ASAP2: variants seen among roughly 807,000 people sequenced by gnomAD.
ASAP2 encodes the protein ArfGAP with SH3 domain, ankyrin repeat and PH domain 2, also known as arf-GAP with SH3 domain, ANK repeat and PH domain-containing protein 2.
In ASAP2, 45 loss-of-function variants were observed where a neutral mutation model predicts 131.4. That is an observed-to-expected ratio of 0.34 (90% CI 0.27 to 0.44). ASAP2 has a LOEUF of 0.44. Ranked by LOEUF, ASAP2 falls within the 20% of genes least tolerant of loss-of-function variation. ASAP2 has a pLI of 1.00. For synonymous variants in ASAP2, 510 were observed against 503.0 expected, an observed-to-expected ratio of 1.01 and a Z score of -0.19; for missense variants, 1,011 against 1,297.0, an observed-to-expected ratio of 0.78 and a Z score of 3.39.
At chr2:9,342,358 C>G (rs1572500629) in intron 9 of ASAP2, among the ~76,000 whole-genome samples, 1 of 152,270 alleles carries the variant, frequency 6.6e-6, no homozygotes, top group African/African-American at 2.4e-5. Flanking sequence ...GAAATAAATC[C>G]TTACATTTAG....
At chr2:9,351,413 C>T (rs1289393742) in intron 12 of ASAP2, among the ~76,000 whole-genome samples, 1 of 152,154 alleles carries the variant, frequency 6.6e-6, no homozygotes, top group South Asian at 2.1e-4. Flanking sequence ...ACAAAAGAAT[C>T]CCCACAGAAC....
rs117347802 is a variant in ASAP2 at position 9,317,719 on chromosome 2, C to T, written c.346-805C>T. Among the ~76,000 whole-genome samples the T allele has an allele frequency of 2.6e-3, 392 of 151,580 alleles. 14 individuals carry two copies. In the East Asian group the frequency reaches 0.065, roughly 25 times the overall value. Reference sequence around the variant, plus strand: ...TCACACGCCCACACACACCCATACACAATCACATTCACACTCACATCCACA... The same window carrying T: ...TCACACGCCCACACACACCCATACATAATCACATTCACACTCACATCCACA... On this transcript the variant is annotated intron_variant, in intron 3 of 27. Coordinates refer to ENST00000281419, the MANE Select transcript of ASAP2 (RefSeq NM_003887.3).
intron 15 of ASAP2, among the ~76,000 whole-genome samples, chr2:9,359,523 A>G (rs186869008): frequency 4.6e-5 from 7 of 152,372 alleles, no homozygotes; most frequent in Admixed American, 2.0e-4. Context: ...CACCTAATAC[A>G]TGAGCTTTCA....
At position 9,404,590 on chromosome 2, in the gene ASAP2, A is replaced by G. The variant is rs1383998979; in HGVS notation, c.*1263A>G. 2.6e-5 allele frequency: 4 copies of G among 152,542 alleles called. No individual in the cohort carries two copies. Among genetic ancestry groups the G allele is most frequent in the Non-Finnish European group, 5.9e-5 (4 of 68,036 alleles). The allele number at this position is 152,542 out of a possible 1,614,324, so 9.4% of individuals were successfully genotyped here. A position where few individuals can be genotyped will look rare whatever the true frequency, so the allele number is the denominator to read the frequency against. On this transcript the variant is annotated 3_prime_UTR_variant, in exon 28 of 28. Coordinates refer to ENST00000281419, the MANE Select transcript of ASAP2 (RefSeq NM_003887.3). Reference sequence around the variant, plus strand: ...TGGCACTCTGAGAATAAATAGGCATATGATACCCACTTGGACTTTTAACAA... The same window carrying G: ...TGGCACTCTGAGAATAAATAGGCATGTGATACCCACTTGGACTTTTAACAA...
chr2:9,387,657 G>A (rs758618572), intron 21 of ASAP2, among the ~76,000 whole-genome samples: 14 of 152,286 alleles, frequency 9.2e-5, no homozygotes, highest in Non-Finnish European at 5.9e-5. Flanking sequence ...AGATAACTTC[G>A]ACTCATAAGA....
intron 18 of ASAP2, 84 bp from the exon 19 acceptor site, chr2:9,378,860 G>A (rs889464832): frequency 1.7e-5 from 16 of 966,540 alleles, no homozygotes; most frequent in East Asian, 1.6e-4. Context: ...TCCTGTGCCC[G>A]TAGCCCAGGC....
chr2:9,390,902 G>A (rs527851623), intron 22 of ASAP2, among the ~76,000 whole-genome samples, 160 bp from the exon 23 acceptor site: 4 of 152,296 alleles, frequency 2.6e-5, no homozygotes, highest in Admixed American at 1.3e-4. Flanking sequence ...TCCACATGCC[G>A]GAGACAGGAG....
intron 2 of ASAP2, among the ~76,000 whole-genome samples, chr2:9,285,348 C>T (rs1262769426): frequency 6.6e-6 from 1 of 152,090 alleles, no homozygotes; most frequent in African/African-American, 2.4e-5. Flanking sequence ...ACCTCAGAAC[C>T]CCCCATCCCC....
intron 6 of ASAP2, among the ~76,000 whole-genome samples, chr2:9,323,530 T>C (rs1027834421): frequency 1.3e-5 from 2 of 152,244 alleles, no homozygotes; most frequent in South Asian, 4.1e-4. Context: ...CTTGCTAAAA[T>C]ATTTATTCCT....
At chr2:9,270,633 G>A (rs1039518146) in intron 1 of ASAP2, among the ~76,000 whole-genome samples, 3 of 150,540 alleles carry the variant, frequency 2.0e-5, no homozygotes, top group African/African-American at 7.4e-5. Flanking sequence ...GTTGACCTTT[G>A]TCACCCTGTT....
intron 2 of ASAP2, among the ~76,000 whole-genome samples, chr2:9,295,188 G>A (rs921621558): frequency 6.6e-6 from 1 of 152,078 alleles, no homozygotes; most frequent in African/African-American, 2.4e-5. Context: ...ACTTTTTAAC[G>A]ATGAAAACAA....
chr2:9,367,938 C>T (rs994053274), intron 15 of ASAP2, among the ~76,000 whole-genome samples: 1 of 152,168 alleles, frequency 6.6e-6, no homozygotes. Context: ...AAAACTCTGC[C>T]GCTCAGGGAA....
chr2:9,209,989 G>C (rs556616748), intron 1 of ASAP2, among the ~76,000 whole-genome samples: 1 of 152,332 alleles, frequency 6.6e-6, no homozygotes, highest in African/African-American at 2.4e-5. Context: ...CTTGTTGCTG[G>C]AATATTATTA....
chr2:9,212,739 G>A (rs1197028737), intron 1 of ASAP2, among the ~76,000 whole-genome samples: 1 of 152,218 alleles, frequency 6.6e-6, no homozygotes, highest in East Asian at 1.9e-4. Context: ...GTACTCAGTA[G>A]CCACACGTGG....
At chr2:9,285,818 C>G (rs747774488) in intron 2 of ASAP2, among the ~76,000 whole-genome samples, 17 of 152,108 alleles carry the variant, frequency 1.1e-4, no homozygotes, top group Non-Finnish European at 2.2e-4. Context: ...ATATTCCTAC[C>G]CTCAATCAGA....
chr2:9,269,133 A>G (rs933325336), intron 1 of ASAP2, among the ~76,000 whole-genome samples: 50 of 152,174 alleles, frequency 3.3e-4, no homozygotes, highest in Non-Finnish European at 5.7e-4. Context: ...GTACTTACAT[A>G]AGAGAGGTGA....
In ASAP2 at chr2:9,357,015, A is replaced by G. The variant is rs115070971; in HGVS notation, c.1327+670A>G. On this transcript the variant is annotated intron_variant, in intron 14 of 27. Transcript: ENST00000281419. ...ATTTTCTGAACATTTATAAAATGAA[A>G]AAGATGGAGGCTTGGCTAGAATGGT... Among the ~76,000 whole-genome samples the G allele has an allele frequency of 7.0e-3, 1,063 of 152,248 alleles. 10 individuals carry two copies. The highest frequency in any genetic ancestry group is 0.024 in the African/African-American group (987 of 41,528).
intron 9 of ASAP2, among the ~76,000 whole-genome samples, chr2:9,344,105 G>A (rs1309861679): frequency 6.6e-6 from 1 of 152,208 alleles, no homozygotes; most frequent in Admixed American, 6.5e-5. Context: ...GAGAGCTTAT[G>A]TGATGGTTCT....
chr2:9,279,643 TC>T (rs1399669751), intron 2 of ASAP2, among the ~76,000 whole-genome samples: 1 of 152,158 alleles, frequency 6.6e-6, no homozygotes, highest in African/African-American at 2.4e-5. Context: ...ACGTTGCACT[TC>T]CTGTTTTCTG....
Sources: gnomAD v4.1 joint callset for allele counts (sites outside exome capture counted in the v4.1 genomes callset) on GRCh38, gnomAD v4.1.1 for gene constraint, MANE v1.5 for transcripts, NCBI Gene and HGNC (gene_info 2026-07-23, HGNC 2026-07-21) for gene names.